The following FHOD3 variants were observed in gnomAD, a reference collection of about 807,000 sequenced individuals.
FHOD3 encodes FH1/FH2 domain-containing protein 3.
In FHOD3, 90 loss-of-function variants were observed where a neutral mutation model predicts 173.0. The observed-to-expected ratio is 0.52, with a 90% CI of 0.44 to 0.62. The LOEUF (loss-of-function observed/expected upper bound fraction) is 0.62. Among genes scored for constraint, FHOD3 ranks in the 20% least tolerant of loss-of-function variants. The pLI is 0.00. For missense variants in FHOD3, 1,945 were observed against 2,034.7 expected, an observed-to-expected ratio of 0.96 and a Z score of 0.85; for synonymous variants, 828 against 823.0, an observed-to-expected ratio of 1.01 and a Z score of -0.10.
chr18:36,468,963 G>T (rs533754939), intron 3 of FHOD3, among the ~76,000 whole-genome samples: 15 of 152,276 alleles, frequency 9.9e-5, no homozygotes, highest in African/African-American at 3.4e-4. Context: ...AAGGAGAGGA[G>T]TCGGACAGTT....
At chr18:36,402,975 A>G (rs995420546) in intron 3 of FHOD3, among the ~76,000 whole-genome samples, 1 of 152,230 alleles carries the variant, frequency 6.6e-6, no homozygotes, top group Non-Finnish European at 1.5e-5. Context: ...AGGCCATAGG[A>G]AAGTTCTCCT....
chr18:36,684,890 C>T (rs1051538550), intron 15 of FHOD3, among the ~76,000 whole-genome samples: 12 of 152,130 alleles, frequency 7.9e-5, no homozygotes, highest in African/African-American at 2.9e-4. Context: ...GCAGCCTCGA[C>T]CTCCCAGGCT....
chr18:36,730,862 T>C, intron 20 of FHOD3, 58 bp downstream of exon 20: 2 of 1,526,644 alleles, frequency 1.3e-6, no homozygotes, highest in Admixed American at 1.8e-5. Context: ...ATGTATAATA[T>C]GCTGCATGTC....
intron 18 of FHOD3, among the ~76,000 whole-genome samples, chr18:36,717,439 G>T (rs973356808): frequency 6.6e-6 from 1 of 152,142 alleles, no homozygotes; most frequent in African/African-American, 2.4e-5. Context: ...AATCTTTCAG[G>T]CTCTCTAATA....
At chr18:36,757,716 C>A (rs571412310) in intron 25 of FHOD3, among the ~76,000 whole-genome samples, 1 of 152,330 alleles carries the variant, frequency 6.6e-6, no homozygotes, top group South Asian at 2.1e-4. Context: ...CTCTTCTTCT[C>A]CCCGTTTCTG....
chr18:36,598,477 T>C (rs575976518), intron 7 of FHOD3, among the ~76,000 whole-genome samples: 107 of 152,312 alleles, frequency 7.0e-4, no homozygotes, highest in African/African-American at 2.3e-3. Context: ...GTGGGCCAGT[T>C]AGCAGGGATA....
intron 3 of FHOD3, among the ~76,000 whole-genome samples, chr18:36,383,254 C>T (rs1281509110): frequency 6.6e-6 from 1 of 152,176 alleles, no homozygotes; most frequent in Non-Finnish European, 1.5e-5. Flanking sequence ...TCTGAGGATT[C>T]TGTCTGAAAG....
At chr18:36,637,084 T>A (rs187813222) in intron 10 of FHOD3, among the ~76,000 whole-genome samples, 1 of 152,134 alleles carries the variant, frequency 6.6e-6, no homozygotes, top group African/African-American at 2.4e-5. Flanking sequence ...TATAAGTAAA[T>A]GAGCAAGCCA....
At chr18:36,595,540 C>T (rs1179319313) in intron 7 of FHOD3, among the ~76,000 whole-genome samples, 2 of 152,126 alleles carry the variant, frequency 1.3e-5, no homozygotes, top group Non-Finnish European at 2.9e-5. Flanking sequence ...TTTTAAAGCC[C>T]ATGTATGCAC....
intron 3 of FHOD3, among the ~76,000 whole-genome samples, chr18:36,429,988 T>C (rs2050447356): frequency 6.6e-6 from 1 of 152,104 alleles, no homozygotes; most frequent in Non-Finnish European, 1.5e-5. Context: ...TGTTACCTCA[T>C]GTGGGCACCA....
Position 36,682,832 on chromosome 18 carries a change from G to C in FHOD3, c.1970+1262G>C, listed in dbSNP as rs955394678. Among the ~76,000 whole-genome samples, 4 of 152,304 alleles carry C rather than the reference G, an allele frequency of 2.6e-5. No homozygotes were observed. The East Asian group carries it at 7.7e-4, about 29-fold the overall frequency. On this transcript the variant is annotated intron_variant, in intron 15 of 28. Coordinates refer to ENST00000590592, the MANE Select transcript of FHOD3 (RefSeq NM_001281740.3). ...GACCTCAAGTGATCCACCTGCCTCAGCCTCCCAAAGTGCTGGGATTACAGG... is the reference window on the plus strand; with the variant it reads ...GACCTCAAGTGATCCACCTGCCTCACCCTCCCAAAGTGCTGGGATTACAGG...
At chr18:36,563,464 G>A (rs930994495) in intron 5 of FHOD3, among the ~76,000 whole-genome samples, 2 of 152,200 alleles carry the variant, frequency 1.3e-5, no homozygotes, top group African/African-American at 4.8e-5. Context: ...TGATACCATT[G>A]AAGTCCAGAG....
At chr18:36,634,676 G>A (rs1450615033) in intron 10 of FHOD3, among the ~76,000 whole-genome samples, 2 of 152,140 alleles carry the variant, frequency 1.3e-5, no homozygotes, top group African/African-American at 4.8e-5. Context: ...TGAGGTGGGG[G>A]AGGGCATAGG....
At chr18:36,577,586 C>G (rs2058702887) in intron 6 of FHOD3, among the ~76,000 whole-genome samples, 1 of 152,214 alleles carries the variant, frequency 6.6e-6, no homozygotes, top group Non-Finnish European at 1.5e-5. Context: ...CAGGTGGGAG[C>G]CACCACATCC....
chr18:36,491,318 A>G (rs957874881), intron 3 of FHOD3, among the ~76,000 whole-genome samples: 10 of 152,228 alleles, frequency 6.6e-5, no homozygotes, highest in Admixed American at 5.9e-4. Flanking sequence ...ATTTGTTCCC[A>G]TATACCCCCT....
chr18:36,748,001 A>G (rs772657787), intron 24 of FHOD3, among the ~76,000 whole-genome samples: 7 of 152,026 alleles, frequency 4.6e-5, no homozygotes, highest in Non-Finnish European at 4.4e-5. Flanking sequence ...TTATCTGCAC[A>G]TGAACCCTCT....
At chr18:36,637,068 C>G (rs776844975) in intron 10 of FHOD3, among the ~76,000 whole-genome samples, 2 of 152,104 alleles carry the variant, frequency 1.3e-5, no homozygotes, top group African/African-American at 4.8e-5. Context: ...CATGATAGCT[C>G]ATGTCTATAA....
chr18:36,533,300 G>A (rs757381155), intron 5 of FHOD3, among the ~76,000 whole-genome samples: 10 of 152,216 alleles, frequency 6.6e-5, no homozygotes, highest in South Asian at 2.1e-4. Context: ...GATGCATCGC[G>A]GCTTGTAGTG....
chr18:36,744,616 C>T (rs887499960), intron 23 of FHOD3, among the ~76,000 whole-genome samples: 1 of 152,238 alleles, frequency 6.6e-6, no homozygotes. Flanking sequence ...AAACAGGGCC[C>T]TCCCGGCTCC....
Sources: gnomAD v4.1 joint callset for allele counts (sites outside exome capture counted in the v4.1 genomes callset) on GRCh38, gnomAD v4.1.1 for gene constraint, MANE v1.5 for transcripts, NCBI Gene and HGNC (gene_info 2026-07-23, HGNC 2026-07-21) for gene names.